Variants in DDC observed in about 807,000 individuals in gnomAD.
DDC encodes the protein aromatic-L-amino-acid decarboxylase.
A neutral mutation model predicts 60.0 loss-of-function variants in DDC; 43 were observed. The observed-to-expected ratio is 0.72, with a 90% CI of 0.56 to 0.92. DDC has a LOEUF of 0.92. Among genes scored for constraint, DDC ranks in the 40% least tolerant of loss-of-function variants. The pLI, the probability that DDC is intolerant of heterozygous loss-of-function variation, is 0.00. For missense variants in DDC, 573 were observed against 620.2 expected (o/e 0.92, Z 0.81); for synonymous variants, 232 against 234.6 (o/e 0.99, Z 0.10).
intron 9 of DDC, among the ~76,000 whole-genome samples, chr7:50,480,123 T>C (rs967435994): frequency 6.6e-6 from 1 of 152,202 alleles, no homozygotes; most frequent in African/African-American, 2.4e-5. Flanking sequence ...AGGGTTCATT[T>C]TGCATGTTAA....
At chr7:50,467,804 G>A (rs542002120) in intron 12 of DDC, among the ~76,000 whole-genome samples, 137 of 152,286 alleles carry the variant, frequency 9.0e-4, no homozygotes, top group African/African-American at 3.2e-3. Flanking sequence ...AGGTGCACCC[G>A]GAGGCCTTGG....
intron 9 of DDC, among the ~76,000 whole-genome samples, chr7:50,489,959 C>T (rs188598146): frequency 1.1e-3 from 161 of 152,282 alleles, no homozygotes; most frequent in Non-Finnish European, 1.6e-3. Flanking sequence ...TAATTGGCCT[C>T]ATACTGTCTT....
At chr7:50,545,492 A>G (rs1343482506) in intron 1 of DDC, among the ~76,000 whole-genome samples, 1 of 152,208 alleles carries the variant, frequency 6.6e-6, no homozygotes, top group East Asian at 1.9e-4. Flanking sequence ...ATTTTTTTGA[A>G]ACGGAGTTTT....
chr7:50,563,144 G>A (rs2045376016), intron 1 of DDC, among the ~76,000 whole-genome samples: 1 of 147,132 alleles, frequency 6.8e-6, no homozygotes. Flanking sequence ...TCCAGCCTGG[G>A]TGGCAGGGTG....
intron 14 of DDC, among the ~76,000 whole-genome samples, chr7:50,460,444 T>C (rs2042246116): frequency 7.0e-6 from 1 of 142,148 alleles, no homozygotes. Context: ...AGCCGCCCCG[T>C]CCGGCCAGCC....
intron 1 of DDC, among the ~76,000 whole-genome samples, chr7:50,559,348 G>A (rs530776977): frequency 1.1e-4 from 17 of 152,190 alleles, no homozygotes; most frequent in African/African-American, 3.6e-4. Flanking sequence ...ATATGCCCAC[G>A]AGGTGCCTCT....
intron 9 of DDC, among the ~76,000 whole-genome samples, chr7:50,492,325 A>G (rs1284214566): frequency 6.6e-6 from 1 of 152,248 alleles, no homozygotes; most frequent in Non-Finnish European, 1.5e-5. Context: ...GATTTCATCT[A>G]TCAACATTCA....
intron 7 of DDC, among the ~76,000 whole-genome samples, chr7:50,500,488 G>A (rs900700848): frequency 2.0e-5 from 3 of 152,098 alleles, no homozygotes; most frequent in East Asian, 1.9e-4. Context: ...CAACCTTACC[G>A]CTGATCTGAG....
intron 1 of DDC, among the ~76,000 whole-genome samples, chr7:50,546,163 C>A (rs139241755): frequency 6.6e-6 from 1 of 152,198 alleles, no homozygotes; most frequent in Non-Finnish European, 1.5e-5. Flanking sequence ...CTATCAGCTT[C>A]CAGCACTTCT....
intron 4 of DDC, among the ~76,000 whole-genome samples, chr7:50,532,455 G>A (rs183886457): frequency 7.9e-4 from 121 of 152,308 alleles, no homozygotes; most frequent in Non-Finnish European, 1.9e-4. Flanking sequence ...CCAAGCCTAT[G>A]GTCAGGGATG....
intron 6 of DDC, among the ~76,000 whole-genome samples, chr7:50,508,439 C>A (rs972406939): frequency 6.6e-6 from 1 of 152,220 alleles, no homozygotes; most frequent in South Asian, 2.1e-4. Context: ...TGCATCCTTG[C>A]CCCTTCGACT....
At position 50,539,927 on chromosome 7, in the gene DDC, G is replaced by A. The variant is rs779672487; in HGVS notation, c.303C>T (p.Ile101=). The A allele has an allele frequency of 1.1e-5, 18 of 1,613,498 alleles. No homozygotes were observed. Among genetic ancestry groups the A allele is most frequent in the African/African-American group, 2.7e-5 (2 of 74,916 alleles). ...ADMLCGAIGC[I]GFSWAASPAC... ...TCCGGACCCTCACCCAGGAGAAGCC[G>A]ATGCAGCCAATGGCCCCGCACAGCA... Residue 101 remains isoleucine (I), a synonymous_variant, in exon 3 of 15, where the codon ATC becomes ATT. Coordinates refer to ENST00000444124, the MANE Select transcript of DDC (RefSeq NM_001082971.2).
chr7:50,536,371 T>C (rs1223929875), intron 4 of DDC, among the ~76,000 whole-genome samples: 1 of 152,194 alleles, frequency 6.6e-6, no homozygotes, highest in Non-Finnish European at 1.5e-5. Context: ...CTTGGGCACA[T>C]GTAGTCAGGA....
At chr7:50,463,100 A>G in intron 14 of DDC, 113 bp downstream of exon 14, 2 of 836,866 alleles carry the variant, frequency 2.4e-6, no homozygotes, top group Non-Finnish European at 3.9e-6. Context: ...AGGGAAATGC[A>G]CTCTGGCAGC....
chr7:50,460,492 G>A (rs1442019583), intron 14 of DDC, among the ~76,000 whole-genome samples: 5 of 151,448 alleles, frequency 3.3e-5, no homozygotes, highest in East Asian at 1.9e-4. Context: ...CTGCCCGGCC[G>A]CCCCTACTGG....
chr7:50,558,475 C>A (rs929363753), intron 1 of DDC, among the ~76,000 whole-genome samples: 1 of 152,130 alleles, frequency 6.6e-6, no homozygotes, highest in Non-Finnish European at 1.5e-5. Flanking sequence ...GAGGTGCCCC[C>A]CTCCAAGAAA....
At chr7:50,494,669 G>A (rs1362183612) in intron 9 of DDC, among the ~76,000 whole-genome samples, 5 of 150,394 alleles carry the variant, frequency 3.3e-5, no homozygotes, top group South Asian at 2.1e-4. Context: ...TTTCTTTCGC[G>A]AATACTTTTT....
At chr7:50,551,865 A>G (rs891779621) in intron 1 of DDC, among the ~76,000 whole-genome samples, 1 of 152,154 alleles carries the variant, frequency 6.6e-6, no homozygotes, top group Admixed American at 6.5e-5. Context: ...CTTTTGAAGC[A>G]AATATTCTAG....
chr7:50,476,648 AG>A lies in DDC; in HGVS notation c.1022-6del. ...CCCGGTAGTCAGTGATAAGCCCTGG[AG>A]AAAAGAGAAAGAAAAAGAAAAAAGA... On this transcript the variant is annotated splice_polypyrimidine_tract_variant and splice_region_variant and intron_variant, in intron 10 of 14. Transcript: ENST00000444124. 6.2e-7 allele frequency: 1 copy of A among 1,611,276 alleles called. No individual in the cohort carries two copies. Among genetic ancestry groups the A allele is most frequent in the Non-Finnish European group, 8.5e-7 (1 of 1,178,164 alleles).
Sources: allele counts gnomAD v4.1 joint callset (sites outside exome capture counted in the v4.1 genomes callset), GRCh38; gene constraint gnomAD v4.1.1; transcripts MANE v1.5; gene names NCBI Gene and HGNC (gene_info 2026-07-23, HGNC 2026-07-21).